Variants in CTSH observed in about 807,000 individuals in gnomAD.
CTSH encodes pro-cathepsin H.
Under a neutral mutation model 56.3 loss-of-function variants are expected in CTSH, and 52 were observed. That is an observed-to-expected ratio of 0.92 (90% CI 0.74 to 1.16). The LOEUF (loss-of-function observed/expected upper bound fraction) is 1.16, where lower values mean the gene tolerates loss of function less well. CTSH is among the 50% of genes most tolerant of loss of function. The probability of loss-of-function intolerance (pLI) is 0.00; values close to 1 mark genes in which losing one functional copy is unlikely to be tolerated. For missense variants in CTSH, 406 were observed against 424.5 expected (o/e 0.96, Z 0.38); for synonymous variants, 174 against 155.7 (o/e 1.12, Z -0.88).
rs559900795 is a variant in CTSH, at chr15:78,923,434, G to A, written c.807-316C>T. Among the ~76,000 whole-genome samples the A allele has an allele frequency of 3.9e-5, 6 of 152,254 alleles. No homozygotes were observed. In the South Asian group the frequency reaches 6.2e-4, roughly 16 times the overall value. On this transcript the variant is annotated intron_variant, in intron 10 of 11. Transcript: ENST00000220166. The stretch of plus-strand genomic sequence containing the variant: ...ACTCCCGAGTAGCCTGATTACAGGC[G>A]TGCACCACCACACCCAGCTAATTTT...
At chr15:78,929,741 G>A (rs575716652) in intron 7 of CTSH, among the ~76,000 whole-genome samples, 4 of 152,232 alleles carry the variant, frequency 2.6e-5, no homozygotes, top group Non-Finnish European at 5.9e-5. Flanking sequence ...AAGGCCAGCC[G>A]CTCTGTCAGG....
At position 78,940,521 on chromosome 15, in the gene CTSH, G is replaced by C. The variant is rs77209233; in HGVS notation, c.92-1350C>G. 0.027 allele frequency among the ~76,000 whole-genome samples: 4,041 copies of C among 147,378 alleles called. 475 individuals carry two copies. The East Asian group carries it at 0.37, about 14-fold the overall frequency. ...CACTGCATTCCTGCCTGGGTGACAG[G>C]AGTGAGACCTTGTCTCAAAAAAAAA... is the stretch of plus-strand genomic sequence containing the variant. On this transcript the variant is annotated intron_variant, in intron 1 of 11. Transcript: ENST00000220166.
chr15:78,937,532 A>T, intron 2 of CTSH, 109 bp from the exon 3 acceptor site: 2 of 1,355,790 alleles, frequency 1.5e-6, no homozygotes, highest in Non-Finnish European at 2.0e-6. Context: ...TTCTGCTATG[A>T]TTCTCAGGCC....
chr15:78,927,887 C>G, intron 8 of CTSH, 106 bp from the exon 9 acceptor site: 1 of 880,986 alleles, frequency 1.1e-6, no homozygotes, highest in Non-Finnish European at 1.9e-6. Context: ...GTGCCAGGGC[C>G]TGGGGGATGG....
At chr15:78,928,979 G>T (rs1335250278) in intron 8 of CTSH, among the ~76,000 whole-genome samples, 1 of 152,130 alleles carries the variant, frequency 6.6e-6, no homozygotes, top group African/African-American at 2.4e-5. Flanking sequence ...CAGGCTGGGC[G>T]GAGGTGATGG....
chr15:78,944,705 C>T, intron 1 of CTSH, 186 bp downstream of exon 1: 1 of 1,175,184 alleles, frequency 8.5e-7, no homozygotes, highest in Non-Finnish European at 1.1e-6. Flanking sequence ...AAGCCGCCCA[C>T]CCTCCGAGAA....
chr15:78,937,537 C>T (rs1046498969), intron 2 of CTSH, 114 bp from the exon 3 acceptor site: 50 of 1,352,100 alleles, frequency 3.7e-5, no homozygotes, highest in Middle Eastern at 1.9e-4. Flanking sequence ...CTATGATTCT[C>T]AGGCCAAATC....
chr15:78,941,422 TAAAAA>T (rs35226827), intron 1 of CTSH, among the ~76,000 whole-genome samples: 3 of 48,436 alleles, frequency 6.2e-5, no homozygotes, highest in Admixed American at 6.7e-4. Context: ...AGACTCTGTC[TAAAAA>T]AAAAAAAAAA....
At chr15:78,937,236 C>A in intron 3 of CTSH, 82 bp downstream of exon 3, 1 of 1,145,066 alleles carries the variant, frequency 8.7e-7, no homozygotes, top group Non-Finnish European at 1.3e-6. Flanking sequence ...CTCCCTCCAC[C>A]CACCAGCCCC....
chr15:78,943,393 C>T (rs1469148360), intron 1 of CTSH, among the ~76,000 whole-genome samples: 1 of 152,066 alleles, frequency 6.6e-6, no homozygotes, highest in African/African-American at 2.4e-5. Context: ...CCACACCCAG[C>T]TAATTTTTGT....
At chr15:78,935,503 G>A (rs560398283) in intron 4 of CTSH, among the ~76,000 whole-genome samples, 177 bp downstream of exon 4, 12 of 152,338 alleles carry the variant, frequency 7.9e-5, no homozygotes, top group Admixed American at 7.2e-4. Context: ...AAGGCCATGG[G>A]CCTGGACTGA....
At chr15:78,943,910 C>T (rs1244404669) in intron 1 of CTSH, among the ~76,000 whole-genome samples, 3 of 152,190 alleles carry the variant, frequency 2.0e-5, no homozygotes, top group Non-Finnish European at 2.9e-5. Flanking sequence ...TGGAGCTGGG[C>T]GCCCACTGAG....
At chr15:78,939,197 T>A in intron 1 of CTSH, 26 bp from the exon 2 acceptor site, 1 of 1,570,126 alleles carries the variant, frequency 6.4e-7, no homozygotes, top group South Asian at 1.2e-5. Context: ...AAAAATTAGG[T>A]CTGGGCGCAT....
chr15:78,922,958 C>T (rs760985740), intron 11 of CTSH, 35 bp downstream of exon 11: 43 of 1,588,518 alleles, frequency 2.7e-5, no homozygotes, highest in Non-Finnish European at 3.7e-5. Flanking sequence ...TGAGCAACAT[C>T]CCCCTCCCAG....
chr15:78,937,819 G>A lies in CTSH; in HGVS notation c.124-396C>T, dbSNP rs530167817. ...TGCAACCAGTACACAGTGTGCTTTGGTTTTCTAAAAACAAATGTGTATAAT... is the reference window on the plus strand; with the variant it reads ...TGCAACCAGTACACAGTGTGCTTTGATTTTCTAAAAACAAATGTGTATAAT... On this transcript the variant is annotated intron_variant, in intron 2 of 11. Coordinates refer to ENST00000220166, the MANE Select transcript of CTSH (RefSeq NM_004390.5). 4.7e-6 allele frequency: 6 copies of A among 1,289,706 alleles called. No homozygotes were observed. In the East Asian group the frequency reaches 3.3e-4, roughly 71 times the overall value. The allele number at this position is 1,289,706 out of a possible 1,614,324, so 79.9% of individuals were successfully genotyped here.
At chr15:78,935,445 GTATC>G (rs1233561628) in intron 4 of CTSH, among the ~76,000 whole-genome samples, 1 of 152,214 alleles carries the variant, frequency 6.6e-6, no homozygotes. Flanking sequence ...TTTTAACTGA[GTATC>G]TATATTTTAA....
At chr15:78,934,257 G>C (rs947333262) in intron 5 of CTSH, among the ~76,000 whole-genome samples, 3 of 152,224 alleles carry the variant, frequency 2.0e-5, no homozygotes, top group Admixed American at 2.0e-4. Context: ...GGAGAATTTC[G>C]ATGGAAAGCC....
Position 78,945,015 on chromosome 15 carries a change from G to A in CTSH, c.-34C>T. 6.7e-7 allele frequency: 1 copy of A among 1,496,036 alleles called. No individual in the cohort carries two copies. Among genetic ancestry groups the A allele is most frequent in the South Asian group, 1.2e-5 (1 of 80,192 alleles). The allele number at this position is 1,496,036 out of a possible 1,614,324, so 92.7% of individuals were successfully genotyped here. ...TGGCGGCTTGGCTCTTGCGCTCAGG[G>A]TCCGCGGAGGTGGCGGCCCAGAGCG... On this transcript the variant is annotated 5_prime_UTR_variant, in exon 1 of 12. Transcript: ENST00000220166.
intron 1 of CTSH, 180 bp downstream of exon 1, chr15:78,944,711 G>T: frequency 8.2e-7 from 1 of 1,214,756 alleles, no homozygotes; most frequent in Non-Finnish European, 1.1e-6. Context: ...CCCACCCTCC[G>T]AGAACCCCCG....
Sources: gnomAD v4.1 joint callset for allele counts (sites outside exome capture counted in the v4.1 genomes callset) on GRCh38, gnomAD v4.1.1 for gene constraint, MANE v1.5 for transcripts, NCBI Gene and HGNC (gene_info 2026-07-23, HGNC 2026-07-21) for gene names.